The following GPATCH8 variants were observed in gnomAD, a reference collection of about 807,000 sequenced individuals.
The protein encoded by GPATCH8 is G patch domain-containing protein 8.
In GPATCH8, 18 loss-of-function variants were observed where a neutral mutation model predicts 118.3. That is an observed-to-expected ratio of 0.15 (90% confidence interval 0.11 to 0.23). The LOEUF is 0.23. Among genes scored for constraint, GPATCH8 ranks in the 10% least tolerant of loss-of-function variants. The pLI is 1.00. For missense variants in GPATCH8, 1,631 were observed against 1,873.8 expected, an observed-to-expected ratio of 0.87 and a Z score of 2.39; for synonymous variants, 659 against 684.7, an observed-to-expected ratio of 0.96 and a Z score of 0.59.
intron 4 of GPATCH8, among the ~76,000 whole-genome samples, chr17:44,435,928 A>G (rs772701463): frequency 2.3e-4 from 34 of 148,118 alleles, no homozygotes; most frequent in Non-Finnish European, 4.2e-4. Flanking sequence ...AGGCTGAGAC[A>G]GGAGACAGGA....
intron 1 of GPATCH8, among the ~76,000 whole-genome samples, chr17:44,483,804 G>C (rs1008848065): frequency 2.8e-5 from 4 of 145,446 alleles, no homozygotes; most frequent in Admixed American, 1.4e-4. Flanking sequence ...ACCAGGCTCG[G>C]CTAATTTTTG....
intron 3 of GPATCH8, among the ~76,000 whole-genome samples, chr17:44,455,814 C>T (rs2051308034): frequency 1.3e-5 from 2 of 152,188 alleles, no homozygotes; most frequent in African/African-American, 4.8e-5. Flanking sequence ...TTGGCATGAA[C>T]TCAGCTCACT....
intron 3 of GPATCH8, 29 bp downstream of exon 3, chr17:44,464,443 C>G (rs1598566199): frequency 7.6e-7 from 1 of 1,316,434 alleles, no homozygotes; most frequent in East Asian, 2.3e-5. Context: ...GGTTTTCTTC[C>G]TTTTTCTCTG....
intron 1 of GPATCH8, among the ~76,000 whole-genome samples, chr17:44,487,945 C>T (rs530730200): frequency 3.6e-4 from 48 of 131,930 alleles, no homozygotes; most frequent in Non-Finnish European, 5.2e-4. Context: ...TTTTTTGAGA[C>T]GGAGTCTCGC....
chr17:44,502,918 G>A (rs1180319833), intron 1 of GPATCH8, among the ~76,000 whole-genome samples: 3 of 152,192 alleles, frequency 2.0e-5, no homozygotes, highest in African/African-American at 7.2e-5. Context: ...GCAAAATCCC[G>A]GGGTTCGGAA....
intron 1 of GPATCH8, among the ~76,000 whole-genome samples, chr17:44,479,739 C>T (rs1427762126): frequency 6.6e-6 from 1 of 152,030 alleles, no homozygotes; most frequent in African/African-American, 2.4e-5. Flanking sequence ...GAGGTCGAGG[C>T]GGGTAGATCA....
At chr17:44,458,666 T>A (rs755419731) in intron 3 of GPATCH8, among the ~76,000 whole-genome samples, 11 of 152,092 alleles carry the variant, frequency 7.2e-5, no homozygotes, top group Non-Finnish European at 4.4e-5. Context: ...GGAATACAGA[T>A]GCACGCCACC....
At chr17:44,415,432 A>G (rs989994092) in intron 6 of GPATCH8, among the ~76,000 whole-genome samples, 2 of 152,226 alleles carry the variant, frequency 1.3e-5, no homozygotes, top group Non-Finnish European at 2.9e-5. Context: ...AAAACCCAAA[A>G]TGCTCCAATA....
chr17:44,458,243 T>G (rs1429495313), intron 3 of GPATCH8, among the ~76,000 whole-genome samples: 1 of 142,166 alleles, frequency 7.0e-6, no homozygotes, highest in Non-Finnish European at 1.5e-5. Flanking sequence ...AAAGCAAGAC[T>G]CTGTCTCAAA....
chr17:44,410,990 C>G (rs981151833), intron 6 of GPATCH8, among the ~76,000 whole-genome samples: 1 of 152,146 alleles, frequency 6.6e-6, no homozygotes, highest in Non-Finnish European at 1.5e-5. Context: ...ACTGTGGACA[C>G]AAAGTATTGC....
At chr17:44,493,076 CA>C (rs1460070835) in intron 1 of GPATCH8, among the ~76,000 whole-genome samples, 4 of 30,834 alleles carry the variant, frequency 1.3e-4, no homozygotes, top group African/African-American at 5.3e-4. Flanking sequence ...TTTTTTAAGA[CA>C]GAGTCTCATT....
intron 6 of GPATCH8, among the ~76,000 whole-genome samples, chr17:44,423,636 A>G (rs915149930): frequency 1.3e-5 from 2 of 152,218 alleles, no homozygotes; most frequent in Non-Finnish European, 2.9e-5. Context: ...TTCTTTAACA[A>G]GCCAGAACTG....
At chr17:44,431,535 T>C (rs1307981665) in intron 5 of GPATCH8, among the ~76,000 whole-genome samples, 1 of 150,394 alleles carries the variant, frequency 6.6e-6, no homozygotes, top group African/African-American at 2.4e-5. Context: ...TTTTTCTTTA[T>C]ATCTCACATA....
intron 2 of GPATCH8, among the ~76,000 whole-genome samples, chr17:44,470,006 GT>G (rs1967145055): frequency 6.6e-6 from 1 of 152,178 alleles, no homozygotes; most frequent in Admixed American, 6.5e-5. Flanking sequence ...AGCAACTGGA[GT>G]TTGAAGCTTA....
At position 44,399,769 on chromosome 17, in the gene GPATCH8, C is replaced by G. The variant is rs745924915; in HGVS notation, c.2308G>C (p.Asp770His). The stretch of plus-strand genomic sequence containing the variant: ...GAGCTGCTACCACCCCCACCTTCAT[C>G]CTTTTTGCCACTGCTCCCCTCTTCA... Reference protein sequence around the residue: ...PAEEGSSGKKDEGGGGSSSQD... With the variant: ...PAEEGSSGKKHEGGGGSSSQD... Residue 770 changes from aspartate (D) to histidine (H), a missense_variant, in exon 8 of 8, where the codon GAT (aspartate) becomes CAT (histidine). Coordinates refer to ENST00000591680, the MANE Select transcript of GPATCH8 (RefSeq NM_001002909.4). 1 of 1,613,816 alleles carries G rather than the reference C, an allele frequency of 6.2e-7. No individual in the cohort carries two copies. Among genetic ancestry groups the G allele is most frequent in the Non-Finnish European group, 8.5e-7 (1 of 1,179,912 alleles).
At chr17:44,427,892 A>C (rs763112104) in intron 5 of GPATCH8, among the ~76,000 whole-genome samples, 1 of 152,206 alleles carries the variant, frequency 6.6e-6, no homozygotes, top group Non-Finnish European at 1.5e-5. Flanking sequence ...GGTAACTAGA[A>C]CAACACAAAT....
In GPATCH8 at chr17:44,397,611, A is replaced by C; in HGVS notation, c.4466T>G (p.Phe1489Cys). Residue 1489 changes from phenylalanine to cysteine, a missense_variant, in exon 8 of 8, where the codon TTC becomes TGC. Transcript: ENST00000591680. ...GGGATGTTGCAGGTCCTGACCTGAG[A>C]AGATGGGGTGAAGTAGTGGGTGAAG... is the stretch of plus-strand genomic sequence containing the variant. Reference protein sequence around the residue: ...LHLHPLLHPIFSGQDLQHPPS... With the variant: ...LHLHPLLHPICSGQDLQHPPS... 1 of 1,613,838 alleles carries C rather than the reference A, an allele frequency of 6.2e-7. No homozygotes were observed. The highest frequency in any genetic ancestry group is 8.5e-7 in the Non-Finnish European group (1 of 1,179,894).
At chr17:44,456,589 C>T (rs1395435027) in intron 3 of GPATCH8, among the ~76,000 whole-genome samples, 1 of 151,950 alleles carries the variant, frequency 6.6e-6, no homozygotes, top group Non-Finnish European at 1.5e-5. Context: ...TGAGACCAGC[C>T]TGTACAACAT....
chr17:44,420,485 C>T (rs1051210104), intron 6 of GPATCH8, among the ~76,000 whole-genome samples: 1 of 152,146 alleles, frequency 6.6e-6, no homozygotes, highest in Non-Finnish European at 1.5e-5. Flanking sequence ...ACCAGCATTG[C>T]TGGCCTCAAC....
Sources: gnomAD v4.1 joint callset for allele counts (sites outside exome capture counted in the v4.1 genomes callset) on GRCh38, gnomAD v4.1.1 for gene constraint, MANE v1.5 for transcripts, NCBI Gene and HGNC (gene_info 2026-07-23, HGNC 2026-07-21) for gene names.